The following DNER variants were observed in gnomAD, a reference collection of about 807,000 sequenced individuals.
The protein encoded by DNER is delta/notch like EGF repeat containing, also known as delta and Notch-like epidermal growth factor-related receptor.
Under a neutral mutation model 78.2 loss-of-function variants are expected in DNER, and 33 were observed. That is an observed-to-expected ratio of 0.42 (90% confidence interval 0.32 to 0.56). The LOEUF (loss-of-function observed/expected upper bound fraction) is 0.56, where lower values mean the gene tolerates loss of function less well. DNER is among the 20% of genes least tolerant of loss of function. The pLI is 0.11. For synonymous variants in DNER, 417 were observed against 384.8 expected (o/e 1.08, Z -0.98); for missense variants, 918 against 975.3 (o/e 0.94, Z 0.78).
chr2:229,481,534 C>T (rs534715534), intron 6 of DNER, among the ~76,000 whole-genome samples: 39 of 115,594 alleles, frequency 3.4e-4, no homozygotes, highest in Admixed American at 1.5e-3. Context: ...ATACTCTGAA[C>T]TGGATACCTA....
intron 1 of DNER, among the ~76,000 whole-genome samples, chr2:229,622,819 A>G (rs1698272434): frequency 6.6e-6 from 1 of 152,220 alleles, no homozygotes; most frequent in South Asian, 2.1e-4. Context: ...AATTGCAGGC[A>G]ACACCAGAAG....
At chr2:229,544,164 G>T (rs997920311) in intron 5 of DNER, among the ~76,000 whole-genome samples, 2 of 152,146 alleles carry the variant, frequency 1.3e-5, no homozygotes, top group African/African-American at 2.4e-5. Context: ...GAAGAACACT[G>T]AGTGTCCTTC....
At chr2:229,584,792 AG>A (rs1697468479) in intron 4 of DNER, among the ~76,000 whole-genome samples, 1 of 150,368 alleles carries the variant, frequency 6.7e-6, no homozygotes, top group African/African-American at 2.4e-5. Context: ...AAATTAGCTG[AG>A]CGTGATGGCA....
At chr2:229,674,341 C>T (rs1158207150) in intron 1 of DNER, among the ~76,000 whole-genome samples, 2 of 152,160 alleles carry the variant, frequency 1.3e-5, no homozygotes, top group African/African-American at 2.4e-5. Context: ...TGCAGTGATG[C>T]GATCTCGGCT....
chr2:229,657,027 A>C (rs1042764171), intron 1 of DNER, among the ~76,000 whole-genome samples: 45 of 137,920 alleles, frequency 3.3e-4, no homozygotes, highest in Admixed American at 2.0e-3. Context: ...GAACATGCCA[A>C]GATCTACCCT....
chr2:229,584,842 G>A (rs867941219), intron 4 of DNER, among the ~76,000 whole-genome samples: 28 of 151,470 alleles, frequency 1.8e-4, no homozygotes, highest in Middle Eastern at 3.4e-3. Flanking sequence ...GCTGAGGCAG[G>A]GGAATTGCTT....
intron 8 of DNER, among the ~76,000 whole-genome samples, chr2:229,438,977 C>G (rs965528969): frequency 1.3e-5 from 2 of 152,170 alleles, no homozygotes; most frequent in Non-Finnish European, 2.9e-5. Context: ...GTCCCAATTG[C>G]CTGGATTCAA....
At chr2:229,643,832 C>G (rs1009754294) in intron 1 of DNER, among the ~76,000 whole-genome samples, 7 of 152,176 alleles carry the variant, frequency 4.6e-5, no homozygotes, top group African/African-American at 1.7e-4. Context: ...TGTTTATGCT[C>G]CAAAGCAGTC....
chr2:229,545,446 A>C (rs544790870), intron 5 of DNER, among the ~76,000 whole-genome samples: 3 of 152,192 alleles, frequency 2.0e-5, no homozygotes, highest in Non-Finnish European at 2.9e-5. Flanking sequence ...ACAGCGGCAC[A>C]TGCCTGTAAT....
intron 1 of DNER, among the ~76,000 whole-genome samples, chr2:229,667,920 G>A (rs62193184): frequency 1.3e-4 from 20 of 152,316 alleles, no homozygotes; most frequent in African/African-American, 3.6e-4. Flanking sequence ...AAATCCATTC[G>A]TTAATTTGGC....
chr2:229,647,020 A>T (rs535555816), intron 1 of DNER, among the ~76,000 whole-genome samples: 5 of 152,168 alleles, frequency 3.3e-5, no homozygotes, highest in African/African-American at 1.2e-4. Context: ...TGCAAAACTT[A>T]GCTGGGCATG....
intron 4 of DNER, among the ~76,000 whole-genome samples, chr2:229,559,648 G>A (rs1696919384): frequency 6.6e-6 from 1 of 151,874 alleles, no homozygotes; most frequent in African/African-American, 2.4e-5. Flanking sequence ...GAAGGAAGGA[G>A]GGAGGAGGAA....
intron 1 of DNER, among the ~76,000 whole-genome samples, chr2:229,680,022 G>A (rs2154217083): frequency 6.6e-6 from 1 of 152,296 alleles, no homozygotes; most frequent in South Asian, 2.1e-4. Context: ...TCTCCCAACT[G>A]CAAAGTACCA....
intron 7 of DNER, among the ~76,000 whole-genome samples, chr2:229,462,409 T>C (rs1469458885): frequency 2.0e-5 from 3 of 152,216 alleles, no homozygotes; most frequent in Admixed American, 1.3e-4. Context: ...AACTCAGCAT[T>C]CCATTGCCTT....
intron 6 of DNER, among the ~76,000 whole-genome samples, chr2:229,494,111 G>A (rs990235081): frequency 1.3e-5 from 2 of 152,078 alleles, no homozygotes; most frequent in African/African-American, 4.8e-5. Flanking sequence ...ATTTTAAAGG[G>A]GCACAATTCA....
chr2:229,674,049 C>A (rs116551669), intron 1 of DNER, among the ~76,000 whole-genome samples: 2,675 of 152,308 alleles, frequency 0.018, 81 homozygotes, highest in African/African-American at 0.062. Flanking sequence ...TTGAACACAA[C>A]CCCTATTGGT....
intron 5 of DNER, among the ~76,000 whole-genome samples, chr2:229,533,437 G>A (rs1446154004): frequency 1.3e-5 from 2 of 152,188 alleles, no homozygotes; most frequent in Non-Finnish European, 2.9e-5. Context: ...GCGGTAGACT[G>A]GGGATCATCA....
At chr2:229,623,956 G>A (rs112462126) in intron 1 of DNER, among the ~76,000 whole-genome samples, 27 of 152,336 alleles carry the variant, frequency 1.8e-4, no homozygotes, top group African/African-American at 5.3e-4. Flanking sequence ...CAGGCCTCAC[G>A]TGAATAACCA....
intron 6 of DNER, among the ~76,000 whole-genome samples, chr2:229,507,883 T>TTC (rs1468199008): frequency 1.3e-5 from 2 of 152,198 alleles, no homozygotes; most frequent in African/African-American, 4.8e-5. Flanking sequence ...ACCAGAAAAG[T>TTC]AAAGTTTGAG....
Sources: gnomAD v4.1 joint callset for allele counts (sites outside exome capture counted in the v4.1 genomes callset) on GRCh38, gnomAD v4.1.1 for gene constraint, MANE v1.5 for transcripts, NCBI Gene and HGNC (gene_info 2026-07-23, HGNC 2026-07-21) for gene names.